FUT8: variants seen among roughly 807,000 people sequenced by gnomAD.
FUT8 encodes the protein alpha-(1,6)-fucosyltransferase.
Under a neutral mutation model 71.3 loss-of-function variants are expected in FUT8, and 29 were observed. The ratio of observed to expected loss-of-function variants is 0.41; its 90% confidence interval spans 0.30 to 0.55. The LOEUF is 0.55. Ranked by LOEUF, FUT8 falls within the 20% of genes least tolerant of loss-of-function variation. The pLI is 0.34. For missense variants in FUT8, 544 were observed against 702.1 expected (o/e 0.77, Z 2.55); for synonymous variants, 254 against 239.3 (o/e 1.06, Z -0.57).
At chr14:65,525,754 A>G (rs542787822) in intron 2 of FUT8, among the ~76,000 whole-genome samples, 26 of 152,166 alleles carry the variant, frequency 1.7e-4, no homozygotes, top group Non-Finnish European at 3.2e-4. Flanking sequence ...AGATTCTGGT[A>G]TGTTGTGTCT....
At chr14:65,386,555 C>T in the FUT8 span, among the ~76,000 whole-genome samples, 19,314 of 143,916 alleles carry the variant, frequency 0.13, 1,940 homozygotes, top group East Asian at 0.55. Flanking sequence ...CTTGGGTCTT[C>T]GTTTTTTAAT....
At chr14:65,614,982 G>A (rs1456509257) in intron 3 of FUT8, among the ~76,000 whole-genome samples, 1 of 152,192 alleles carries the variant, frequency 6.6e-6, no homozygotes, top group East Asian at 1.9e-4. Context: ...GTTGAACAGA[G>A]AGGTTGATAA....
intron 1 of FUT8, among the ~76,000 whole-genome samples, chr14:65,416,348 T>C (rs1234991946): frequency 6.6e-6 from 1 of 152,108 alleles, no homozygotes; most frequent in Non-Finnish European, 1.5e-5. Flanking sequence ...AGATGTGATC[T>C]TGCTGTTTTG....
chr14:65,687,932 GT>G (rs1345547955), intron 7 of FUT8, among the ~76,000 whole-genome samples: 1 of 152,178 alleles, frequency 6.6e-6, no homozygotes, highest in Non-Finnish European at 1.5e-5. Context: ...GTCTTGCTAT[GT>G]TGCCCGGGCT....
At chr14:65,471,173 C>A in intron 2 of FUT8, 2 of 266,454 alleles carry the variant, frequency 7.5e-6, no homozygotes, top group Non-Finnish European at 7.6e-6. Flanking sequence ...CTTTCCCCCT[C>A]ATCCCTCTGC....
intron 2 of FUT8, chr14:65,471,299 G>A (rs1037117741): frequency 3.8e-5 from 6 of 157,614 alleles, no homozygotes; most frequent in African/African-American, 1.4e-4. Flanking sequence ...CTGTAAAACC[G>A]TAGTAGGTTA....
At chr14:65,500,022 C>T (rs2066621934) in intron 2 of FUT8, among the ~76,000 whole-genome samples, 1 of 152,128 alleles carries the variant, frequency 6.6e-6, no homozygotes, top group Admixed American at 6.6e-5. Flanking sequence ...CCCTTTCAAA[C>T]TGTTATGGAA....
intron 3 of FUT8, among the ~76,000 whole-genome samples, chr14:65,568,352 C>T (rs538302909): frequency 6.6e-6 from 1 of 151,444 alleles, no homozygotes; most frequent in Admixed American, 6.6e-5. Context: ...AAGAACCAAC[C>T]TCTGTGCTTT....
intron 2 of FUT8, among the ~76,000 whole-genome samples, chr14:65,558,464 A>G (rs1374393728): frequency 6.6e-6 from 1 of 152,170 alleles, no homozygotes; most frequent in Non-Finnish European, 1.5e-5. Context: ...CCATTTCCTT[A>G]TAATAGCATT....
intron 3 of FUT8, among the ~76,000 whole-genome samples, chr14:65,588,366 G>A (rs1208551448): frequency 6.6e-6 from 1 of 152,086 alleles, no homozygotes; most frequent in African/African-American, 2.4e-5. Flanking sequence ...TCCTTTTAAA[G>A]TTCTTAATTA....
intron 3 of FUT8, among the ~76,000 whole-genome samples, chr14:65,591,946 T>A (rs3783709): frequency 0.35 from 53,495 of 151,384 alleles, 11,777 homozygotes; most frequent in Non-Finnish European, 0.5. Flanking sequence ...TTTGCATGAG[T>A]TGGTTGTAAC....
chr14:65,467,763 C>T lies in FUT8; in HGVS notation c.-228+12045C>T, dbSNP rs1022443068. On this transcript the variant is annotated intron_variant, in intron 2 of 10. Transcript: ENST00000673929. This position sits in a 1 kb window ranked among gnomAD's most constrained non-coding sequence, Gnocchi z 4.1. ...TGCTGGGATTACAGGTGTGAGCCAC[C>T]GTGCCCAGCCAGTCTAGAGGTCTTT... The T allele has an allele frequency of 2.8e-5, 17 of 601,302 alleles. No individual in the cohort carries two copies. Among genetic ancestry groups the T allele is most frequent in the East Asian group, 1.8e-4 (5 of 28,300 alleles). The allele number at this position is 601,302 out of a possible 1,614,324, so 37.2% of individuals were successfully genotyped here. A position where few individuals can be genotyped will look rare whatever the true frequency, so the allele number is the denominator to read the frequency against.
chr14:65,545,844 G>C (rs1323276618), intron 2 of FUT8, among the ~76,000 whole-genome samples: 1 of 151,688 alleles, frequency 6.6e-6, no homozygotes, highest in Non-Finnish European at 1.5e-5. Context: ...TCTGAAATTT[G>C]TGAAAAATAT....
rs73282292 is a variant in FUT8, at chr14:65,424,114, G to A, written c.-326+10900G>A. Among the ~76,000 whole-genome samples, 1,458 of 152,218 alleles carry A rather than the reference G, an allele frequency of 9.6e-3. 21 individuals are homozygous for A. The highest frequency in any genetic ancestry group is 0.033 in the African/African-American group (1,357 of 41,532). ...GGTGTCATTTGAGGTTTATAGTATC[G>A]TACTAAACATAATGAAACCGCGAGA... is the stretch of plus-strand genomic sequence containing the variant. On this transcript the variant is annotated intron_variant, in intron 1 of 10. Transcript: ENST00000673929.
the FUT8 span, among the ~76,000 whole-genome samples, chr14:65,392,633 A>G: frequency 1.3e-5 from 2 of 152,188 alleles, no homozygotes. Context: ...GTTTTGTCAC[A>G]TGAGAGGCTT....
upstream of FUT8, among the ~76,000 whole-genome samples, chr14:65,409,854 G>C (rs1330745415): frequency 6.6e-6 from 1 of 152,210 alleles, no homozygotes; most frequent in Non-Finnish European, 1.5e-5. The surrounding 1 kb of genome is among the most constrained non-coding windows in gnomAD (Gnocchi z 5.4). Flanking sequence ...TTGTTGAACA[G>C]AACTTGTCTT....
At chr14:65,384,902 T>TA in the FUT8 span, among the ~76,000 whole-genome samples, 1 of 151,948 alleles carries the variant, frequency 6.6e-6, no homozygotes, top group African/African-American at 2.4e-5. The surrounding 1 kb of genome is among the most constrained non-coding windows in gnomAD (Gnocchi z 4.2). Context: ...ATACTTTTTT[T>TA]TTTTTTGAGA....
intron 3 of FUT8, among the ~76,000 whole-genome samples, chr14:65,568,549 A>T (rs1220089486): frequency 1.3e-5 from 2 of 151,412 alleles, no homozygotes; most frequent in Non-Finnish European, 3.0e-5. Flanking sequence ...TAGGTTATTT[A>T]GTAGTTGTTA....
At position 65,744,120 on chromosome 14, in the gene FUT8, A is replaced by C. The variant is rs184856777; in HGVS notation, c.*1710A>C. 22 of 152,070 alleles carry C rather than the reference A, an allele frequency of 1.4e-4. No homozygotes were observed. The East Asian group carries it at 4.3e-3, about 30-fold the overall frequency. 9.4% of individuals were successfully genotyped at this position (152,070 alleles called of 1,614,324 possible). Reference sequence around the variant, plus strand: ...GGTACAAATAAAAGTCATTTGAAACAATCTCCAACTGAGCGGAGGTAATTT... The same window carrying C: ...GGTACAAATAAAAGTCATTTGAAACCATCTCCAACTGAGCGGAGGTAATTT... On this transcript the variant is annotated 3_prime_UTR_variant, in exon 11 of 11. Coordinates refer to ENST00000673929, the MANE Select transcript of FUT8 (RefSeq NM_001371533.1).
Sources: allele counts gnomAD v4.1 joint callset (sites outside exome capture counted in the v4.1 genomes callset), GRCh38; gene constraint gnomAD v4.1.1; non-coding constraint Gnocchi (gnomAD v3.1); transcripts MANE v1.5; gene names NCBI Gene and HGNC (gene_info 2026-07-23, HGNC 2026-07-21).